The following MAST4 variants were observed in gnomAD, a reference collection of about 807,000 sequenced individuals.
MAST4 encodes microtubule associated serine/threonine kinase family member 4, also known as microtubule-associated serine/threonine-protein kinase 4.
Under a neutral mutation model 162.7 loss-of-function variants are expected in MAST4, and 89 were observed. The ratio of observed to expected loss-of-function variants is 0.55; its 90% CI spans 0.46 to 0.65. The LOEUF is 0.65. Ranked by LOEUF, MAST4 falls within the 30% of genes least tolerant of loss-of-function variation. The pLI is 0.00. For synonymous variants in MAST4, 1,479 were observed against 1,361.1 expected (o/e 1.09, Z -1.91); for missense variants, 3,153 against 3,374.0 (o/e 0.93, Z 1.62).
At chr5:67,062,154 C>G (rs1052811130) in intron 5 of MAST4, among the ~76,000 whole-genome samples, 2 of 152,156 alleles carry the variant, frequency 1.3e-5, no homozygotes, top group African/African-American at 4.8e-5. Flanking sequence ...GTAATCCAAG[C>G]ACTTTGGGAG....
rs112963365 is a variant in MAST4 at position 67,115,964 on chromosome 5, G to A, written c.1591+1745G>A. ...TTCACGCTGGTATAGTTAAGATTGC[G>A]TCAGCTCTTGAATTGTGGACCCAGT... On this transcript the variant is annotated intron_variant, in intron 12 of 28. Transcript: ENST00000403625. Among the ~76,000 whole-genome samples, 1,233 of 152,138 alleles carry A rather than the reference G, an allele frequency of 8.1e-3. 19 individuals carry two copies. The highest frequency in any genetic ancestry group is 0.028 in the African/African-American group (1,150 of 41,496).
At chr5:66,649,787 C>A (rs1282631896) in intron 1 of MAST4, among the ~76,000 whole-genome samples, 3 of 152,122 alleles carry the variant, frequency 2.0e-5, no homozygotes, top group African/African-American at 7.2e-5. Flanking sequence ...CTGTTTCACT[C>A]TGAATCCACA....
chr5:66,633,044 A>G (rs1744887372), intron 1 of MAST4, among the ~76,000 whole-genome samples: 1 of 152,156 alleles, frequency 6.6e-6, no homozygotes, highest in Non-Finnish European at 1.5e-5. Context: ...ACTACTTACC[A>G]CTGTAAAAGG....
intron 2 of MAST4, among the ~76,000 whole-genome samples, chr5:66,773,354 A>G (rs1175818082): frequency 1.3e-5 from 2 of 152,250 alleles, no homozygotes; most frequent in Non-Finnish European, 2.9e-5. Flanking sequence ...TCTGCCTAGC[A>G]AGATAATTTC....
chr5:67,064,336 T>G (rs1759979337), intron 5 of MAST4, among the ~76,000 whole-genome samples: 1 of 152,158 alleles, frequency 6.6e-6, no homozygotes, highest in African/African-American at 2.4e-5. Flanking sequence ...GGCGTCCATC[T>G]TAACATCAAG....
intron 2 of MAST4, among the ~76,000 whole-genome samples, chr5:66,764,806 A>C (rs919875673): frequency 2.0e-5 from 3 of 152,196 alleles, no homozygotes; most frequent in African/African-American, 7.2e-5. Context: ...GGATAAGGTT[A>C]ACTTATTAAA....
chr5:67,002,699 G>T (rs1751429642), intron 4 of MAST4, among the ~76,000 whole-genome samples: 1 of 152,096 alleles, frequency 6.6e-6, no homozygotes, highest in African/African-American at 2.4e-5. Flanking sequence ...CTTCATTTAT[G>T]TATATCAGCC....
At chr5:66,767,960 G>A (rs571257842) in intron 2 of MAST4, among the ~76,000 whole-genome samples, 31 of 152,258 alleles carry the variant, frequency 2.0e-4, no homozygotes, top group African/African-American at 7.2e-4. Context: ...CACCCTCACA[G>A]ACACATCCAG....
intron 3 of MAST4, among the ~76,000 whole-genome samples, chr5:66,861,916 T>C (rs1760147438): frequency 6.6e-6 from 1 of 152,130 alleles, no homozygotes. Flanking sequence ...ATGATTGGTG[T>C]GTATGTGGGC....
intron 1 of MAST4, among the ~76,000 whole-genome samples, chr5:66,676,986 A>G (rs183968244): frequency 6.6e-6 from 1 of 152,276 alleles, no homozygotes; most frequent in Non-Finnish European, 1.5e-5. Flanking sequence ...TCCTTTTTGA[A>G]GGTCATCTGG....
rs754655702 is a variant in MAST4 at position 67,165,769 on chromosome 5, G to C, written c.6590G>C (p.Gly2197Ala). Residue 2197 changes from glycine to alanine, a missense_variant, in exon 29 of 29, where the codon GGC becomes GCC. Gly to Ala is a moderately conservative substitution (Grantham distance 60). Transcript: ENST00000403625. Reference sequence around the variant, plus strand: ...AGCAGCAGCCACAAGCCCCGGCCTGGCCCTGACCCGGGCCCTCCAAAGACT... The same window carrying C: ...AGCAGCAGCCACAAGCCCCGGCCTGCCCCTGACCCGGGCCCTCCAAAGACT... ...SESSSHKPRP[G>A]PDPGPPKTKH... The C allele has an allele frequency of 6.2e-7, 1 of 1,601,028 alleles. No individual in the cohort carries two copies.
At chr5:66,910,741 C>CTTTGTTTTTTTTTTTTT (rs1763690763) in intron 4 of MAST4, among the ~76,000 whole-genome samples, 44 of 20,096 alleles carry the variant, frequency 2.2e-3, no homozygotes, top group Middle Eastern at 0.038. Context: ...TTTTTTTTTT[C>CTTTGTTTTTTTTTTTTT]TTTTTTTTTT....
rs116814283 is a variant in MAST4 at position 66,729,511 on chromosome 5, T to C, written c.364-30198T>C. Among the ~76,000 whole-genome samples, 1,107 of 152,330 alleles carry C rather than the reference T, an allele frequency of 7.3e-3. 3 individuals are homozygous for C. Among genetic ancestry groups the C allele is most frequent in the Non-Finnish European group, 0.012 (828 of 68,022 alleles). On this transcript the variant is annotated intron_variant, in intron 1 of 28. Transcript: ENST00000403625. Reference sequence around the variant, plus strand: ...TTCTTTTTTCATAATGAAATGTATATTAACTATGCAGGCCCCTCATAGAGC... The same window carrying C: ...TTCTTTTTTCATAATGAAATGTATACTAACTATGCAGGCCCCTCATAGAGC...
At chr5:66,697,981 A>G (rs16895494) in intron 1 of MAST4, among the ~76,000 whole-genome samples, 4,651 of 152,072 alleles carry the variant, frequency 0.031, 152 homozygotes, top group South Asian at 0.16. Context: ...CCAACATTCC[A>G]TGACCTAACC....
intron 2 of MAST4, among the ~76,000 whole-genome samples, chr5:66,773,787 G>C (rs937851187): frequency 3.9e-5 from 6 of 152,166 alleles, no homozygotes; most frequent in Admixed American, 3.9e-4. Flanking sequence ...TGAACTTCCA[G>C]CCTCCACAGC....
intron 4 of MAST4, among the ~76,000 whole-genome samples, chr5:66,995,213 A>T (rs540379038): frequency 1.6e-3 from 241 of 152,348 alleles, no homozygotes; most frequent in Middle Eastern, 3.4e-3. Context: ...TAGAGCTTTT[A>T]TTAATGCATA....
In MAST4 at chr5:66,596,689, G is replaced by A; in HGVS notation, c.34G>A (p.Val12Met). Reference sequence around the variant, plus strand: ...GAAAGTTTCGGAGGCGCCAGAGCCGGTGCCCCGCGGCTGCAGTGGCCACGG... The same window carrying A: ...GAAAGTTTCGGAGGCGCCAGAGCCGATGCCCCGCGGCTGCAGTGGCCACGG... Reference protein sequence around the residue: ...GEKVSEAPEPVPRGCSGHGSR... With the variant: ...GEKVSEAPEPMPRGCSGHGSR... The change falls in exon 1 of 29, where the codon GTG becomes ATG. Residue 12 changes from valine to methionine, a missense_variant. Physicochemically the swap from Val to Met is conservative, Grantham distance 21. Transcript: ENST00000403625. 6.8e-7 allele frequency: 1 copy of A among 1,471,586 alleles called. No individual in the cohort carries two copies. The allele number at this position is 1,471,586 out of a possible 1,614,324, so 91.2% of individuals were successfully genotyped here.
In MAST4 at chr5:67,078,895, T is replaced by TATATAA. The variant is rs1554093853; in HGVS notation, c.764-11262_764-11261insAATATA. 8.7e-3 allele frequency among the ~76,000 whole-genome samples: 636 copies of TATATAA among 73,186 alleles called. 7 individuals are homozygous for TATATAA. Among genetic ancestry groups the TATATAA allele is most frequent in the African/African-American group, 0.022 (368 of 16,834 alleles). The allele number at this position is 73,186 out of a possible 152,430, so 48.0% of individuals were successfully genotyped here. A position where few individuals can be genotyped will look rare whatever the true frequency, so the allele number is the denominator to read the frequency against. On this transcript the variant is annotated intron_variant, in intron 5 of 28. Transcript: ENST00000403625. ...ATTTATATAAATATATTTATATATT[T>TATATAA]ATATATTTTTATATAAATATATATA...
intron 1 of MAST4, among the ~76,000 whole-genome samples, chr5:66,605,289 A>C (rs1294614939): frequency 6.6e-6 from 1 of 152,174 alleles, no homozygotes; most frequent in Non-Finnish European, 1.5e-5. Flanking sequence ...CCAGAGAAAG[A>C]AATACAGAAA....
Sources: allele counts gnomAD v4.1 joint callset (sites outside exome capture counted in the v4.1 genomes callset), GRCh38; gene constraint gnomAD v4.1.1; transcripts MANE v1.5; gene names NCBI Gene and HGNC (gene_info 2026-07-23, HGNC 2026-07-21).